The following ASAP2 variants were observed in gnomAD, a reference collection of about 807,000 sequenced individuals.
ASAP2 encodes the protein ArfGAP with SH3 domain, ankyrin repeat and PH domain 2.
Under a neutral mutation model 131.4 loss-of-function variants are expected in ASAP2, and 45 were observed. The observed-to-expected ratio is 0.34, with a 90% confidence interval of 0.27 to 0.44. ASAP2 has a LOEUF of 0.44. Among genes scored for constraint, ASAP2 ranks in the 20% least tolerant of loss-of-function variants. ASAP2 has a pLI of 1.00. For synonymous variants in ASAP2, 510 were observed against 503.0 expected, an observed-to-expected ratio of 1.01 and a Z score of -0.19; for missense variants, 1,011 against 1,297.0, an observed-to-expected ratio of 0.78 and a Z score of 3.39.
Position 9,336,956 on chromosome 2 carries a change from G to A in ASAP2, c.849+1777G>A, listed in dbSNP as rs575869271. On this transcript the variant is annotated intron_variant, in intron 9 of 27. Coordinates refer to ENST00000281419, the MANE Select transcript of ASAP2 (RefSeq NM_003887.3). Reference sequence around the variant, plus strand: ...AGCTGCTGGGGCCAAATGGCCCTCTGGGCACAGTGCAAAGGCTGTGTTTGC... The same window carrying A: ...AGCTGCTGGGGCCAAATGGCCCTCTAGGCACAGTGCAAAGGCTGTGTTTGC... Among the ~76,000 whole-genome samples, 5 of 152,352 alleles carry A rather than the reference G, an allele frequency of 3.3e-5. 1 individual carries two copies. In the South Asian group the frequency reaches 1.0e-3, roughly 32 times the overall value.
At chr2:9,300,021 C>T (rs937529083) in intron 3 of ASAP2, among the ~76,000 whole-genome samples, 2 of 152,150 alleles carry the variant, frequency 1.3e-5, no homozygotes, top group Non-Finnish European at 2.9e-5. Flanking sequence ...GCTTTGAACC[C>T]AGGAGTTCAA....
intron 9 of ASAP2, among the ~76,000 whole-genome samples, chr2:9,340,310 C>G (rs550491091): frequency 6.6e-6 from 1 of 152,144 alleles, no homozygotes; most frequent in Non-Finnish European, 1.5e-5. Context: ...CATGAGCCAC[C>G]GCGCCCGGCC....
intron 3 of ASAP2, among the ~76,000 whole-genome samples, chr2:9,317,771 C>T (rs1419323350): frequency 6.6e-6 from 1 of 151,610 alleles, no homozygotes; most frequent in Non-Finnish European, 1.5e-5. Context: ...TACACAATCA[C>T]ACCCTCACAC....
At position 9,401,330 on chromosome 2, in the gene ASAP2, C is replaced by T. The variant is rs776440192; in HGVS notation, c.2880C>T (p.Pro960=). ...TCTATAACTGTGTGGCTGACAACCC[C>T]GATGAGCTCACCTTCTCCGAGGGGG... ...KALYNCVADN[P]DELTFSEGDV... is the part of the protein sequence containing the mutation. Residue 960 remains proline, a synonymous_variant, in exon 27 of 28, where the codon CCC becomes CCT. Coordinates refer to ENST00000281419, the MANE Select transcript of ASAP2 (RefSeq NM_003887.3). The T allele has an allele frequency of 2.1e-5, 34 of 1,613,596 alleles. No individual in the cohort carries two copies. Among genetic ancestry groups the T allele is most frequent in the East Asian group, 1.6e-4 (7 of 44,854 alleles).
At chr2:9,384,476 C>T (rs921460192) in intron 20 of ASAP2, among the ~76,000 whole-genome samples, 1 of 152,172 alleles carries the variant, frequency 6.6e-6, no homozygotes, top group Admixed American at 6.5e-5. Flanking sequence ...GGGCTCAGTC[C>T]CCAAGACTGT....
rs143162624 is a variant in ASAP2 at position 9,216,693 on chromosome 2, T to G, written c.126+9463T>G. ...GCAGGCTGGTCTCGAACTCCTGACCTCAAGTGATCCACCCACCTTGGCCTC... is the reference window on the plus strand; with the variant it reads ...GCAGGCTGGTCTCGAACTCCTGACCGCAAGTGATCCACCCACCTTGGCCTC... On this transcript the variant is annotated intron_variant, in intron 1 of 27. Coordinates refer to ENST00000281419, the MANE Select transcript of ASAP2 (RefSeq NM_003887.3). 3.0e-3 allele frequency among the ~76,000 whole-genome samples: 459 copies of G among 152,172 alleles called. 1 individual carries two copies. Among genetic ancestry groups the G allele is most frequent in the Non-Finnish European group, 4.8e-3 (324 of 68,010 alleles).
intron 23 of ASAP2, among the ~76,000 whole-genome samples, chr2:9,391,576 CTTTT>C (rs397869342): frequency 2.2e-5 from 3 of 135,162 alleles, no homozygotes; most frequent in Admixed American, 7.4e-5. Flanking sequence ...TTTTCTTTTT[CTTTT>C]TTTTTTTTTT....
chr2:9,235,026 T>C (rs942040481), intron 1 of ASAP2, among the ~76,000 whole-genome samples: 5 of 152,088 alleles, frequency 3.3e-5, no homozygotes, highest in African/African-American at 1.2e-4. Context: ...CGGCCCAGCC[T>C]TCTGCTTGCT....
chr2:9,397,152 C>A (rs756351976), intron 24 of ASAP2, among the ~76,000 whole-genome samples: 13 of 152,228 alleles, frequency 8.5e-5, no homozygotes, highest in Non-Finnish European at 1.6e-4. Flanking sequence ...CTTCTGGGCT[C>A]TCTTCTGCCT....
At position 9,291,312 on chromosome 2, in the gene ASAP2, G is replaced by A. The variant is rs188535760; in HGVS notation, c.200-5988G>A. Among the ~76,000 whole-genome samples the A allele has an allele frequency of 1.6e-4, 24 of 152,286 alleles. 1 individual carries two copies. Among genetic ancestry groups the A allele is most frequent in the Admixed American group, 6.5e-4 (10 of 15,298 alleles). On this transcript the variant is annotated intron_variant, in intron 2 of 27. Transcript: ENST00000281419. ...TGGAAATGAAAATATGTTTTCAGCC[G>A]TTTAGTTGGGATGATTCTAGAAATA...
At chr2:9,320,843 T>C (rs1193454391) in intron 5 of ASAP2, among the ~76,000 whole-genome samples, 1 of 152,220 alleles carries the variant, frequency 6.6e-6, no homozygotes, top group Non-Finnish European at 1.5e-5. Context: ...GAATGGAGAA[T>C]TGATTCTTGG....
intron 14 of ASAP2, among the ~76,000 whole-genome samples, chr2:9,358,036 A>G (rs1010756700): frequency 3.9e-5 from 6 of 152,186 alleles, no homozygotes; most frequent in African/African-American, 1.4e-4. Context: ...CATGTTAGTG[A>G]GTAGCCGAGC....
At chr2:9,235,618 G>C (rs1357983456) in intron 1 of ASAP2, among the ~76,000 whole-genome samples, 1 of 152,124 alleles carries the variant, frequency 6.6e-6, no homozygotes, top group Non-Finnish European at 1.5e-5. Context: ...GCTGGGGCAC[G>C]TGAGCTGCTG....
At chr2:9,354,318 C>T (rs932811995) in intron 12 of ASAP2, among the ~76,000 whole-genome samples, 10 of 152,234 alleles carry the variant, frequency 6.6e-5, no homozygotes, top group South Asian at 6.2e-4. Flanking sequence ...GTGCTCCGAT[C>T]GCCCCCTCTG....
chr2:9,315,362 G>A lies in ASAP2; in HGVS notation c.346-3162G>A, dbSNP rs550286045. ...GCAGTGAGGCGCAGCCAAGGCAGTG[G>A]ACGTGAGAATGGCATGGAGGGAATG... On this transcript the variant is annotated intron_variant, in intron 3 of 27. Transcript: ENST00000281419. Among the ~76,000 whole-genome samples the A allele has an allele frequency of 2.9e-3, 438 of 152,278 alleles. 3 individuals are homozygous for A. Among genetic ancestry groups the A allele is most frequent in the African/African-American group, 0.01 (423 of 41,548 alleles).
In ASAP2 at chr2:9,232,521, C is replaced by T. The variant is rs1034503466; in HGVS notation, c.126+25291C>T. Among the ~76,000 whole-genome samples the T allele has an allele frequency of 2.6e-5, 4 of 152,200 alleles. No homozygotes were observed. Among genetic ancestry groups the T allele is most frequent in the Non-Finnish European group, 5.9e-5 (4 of 68,026 alleles). ...AGAGAACTTGTCTGATTTGTTTAAC[C>T]ACCTCACTTAGCACATAACTTGTCA... On this transcript the variant is annotated intron_variant, in intron 1 of 27. Transcript: ENST00000281419. The surrounding 1 kb of genome is among the most constrained non-coding windows in gnomAD (Gnocchi z 4.1).
chr2:9,253,979 G>A (rs1014253458), intron 1 of ASAP2, among the ~76,000 whole-genome samples: 5 of 151,584 alleles, frequency 3.3e-5, no homozygotes, highest in Admixed American at 3.3e-4. Flanking sequence ...AGGGCGAGGT[G>A]GGTGGATCAC....
intron 1 of ASAP2, among the ~76,000 whole-genome samples, chr2:9,222,264 G>A (rs1233054829): frequency 6.6e-6 from 1 of 152,182 alleles, no homozygotes; most frequent in Non-Finnish European, 1.5e-5. Context: ...TGGCCTCTGG[G>A]CATGTTGAGA....
chr2:9,253,411 G>A (rs1408032684), intron 1 of ASAP2, among the ~76,000 whole-genome samples: 1 of 143,736 alleles, frequency 7.0e-6, no homozygotes, highest in Non-Finnish European at 1.5e-5. Flanking sequence ...TGATCCGCCC[G>A]CGTTGGCTTC....
Sources: allele counts gnomAD v4.1 joint callset (sites outside exome capture counted in the v4.1 genomes callset), GRCh38; gene constraint gnomAD v4.1.1; non-coding constraint Gnocchi (gnomAD v3.1); transcripts MANE v1.5; gene names NCBI Gene and HGNC (gene_info 2026-07-23, HGNC 2026-07-21).